Variants in PTK2 observed in about 807,000 individuals in gnomAD.
PTK2 encodes focal adhesion kinase 1.
In PTK2, 45 loss-of-function variants were observed where a neutral mutation model predicts 150.1. That is an observed-to-expected ratio of 0.30 (90% CI 0.24 to 0.38). PTK2 has a LOEUF of 0.38. PTK2 is among the 10% of genes least tolerant of loss of function. The pLI, the probability that PTK2 is intolerant of heterozygous loss-of-function variation, is 1.00. For missense variants in PTK2, 919 were observed against 1,307.3 expected (o/e 0.70, Z 4.58); for synonymous variants, 432 against 449.2 (o/e 0.96, Z 0.48).
rs77654915 is a variant in PTK2, at chr8:140,680,880, T to C, written c.2563-5381A>G. ...GTTTGCAAGATTTTAAGGTAAGTGT[T>C]GACAGTTGCATACACACCTGTGACT... On this transcript the variant is annotated intron_variant, in intron 27 of 31. Transcript: ENST00000522684. Among the ~76,000 whole-genome samples the C allele has an allele frequency of 3.1e-3, 467 of 152,328 alleles. 2 individuals are homozygous for C. Among genetic ancestry groups the C allele is most frequent in the Non-Finnish European group, 5.1e-3 (347 of 68,032 alleles).
chr8:140,920,512 T>C (rs1358660869), intron 2 of PTK2, among the ~76,000 whole-genome samples: 2 of 152,168 alleles, frequency 1.3e-5, no homozygotes, highest in Non-Finnish European at 1.5e-5. Flanking sequence ...AAAACTTCCA[T>C]ATTACAGAAT....
chr8:140,950,547 C>T (rs1438417437), intron 1 of PTK2, among the ~76,000 whole-genome samples: 1 of 152,230 alleles, frequency 6.6e-6, no homozygotes, highest in African/African-American at 2.4e-5. Flanking sequence ...GCGCCTGGCT[C>T]GCCCTTGGCA....
intron 21 of PTK2, among the ~76,000 whole-genome samples, chr8:140,735,760 T>C (rs1308109881): frequency 1.3e-5 from 2 of 152,244 alleles, no homozygotes; most frequent in Admixed American, 1.3e-4. Flanking sequence ...CGTGGCTTAA[T>C]GCAGTAGTTC....
At chr8:140,755,121 A>C (rs1412637470) in intron 16 of PTK2, among the ~76,000 whole-genome samples, 1 of 152,216 alleles carries the variant, frequency 6.6e-6, no homozygotes, top group East Asian at 1.9e-4. Context: ...TGTAGAAAAA[A>C]GCTATTCTAG....
At chr8:140,805,920 T>G (rs1009937064) in intron 10 of PTK2, among the ~76,000 whole-genome samples, 2 of 152,202 alleles carry the variant, frequency 1.3e-5, no homozygotes, top group Non-Finnish European at 2.9e-5. Context: ...ATGAGCAAAC[T>G]GTCTACATGA....
At chr8:140,951,458 A>G (rs1246148402) in intron 1 of PTK2, among the ~76,000 whole-genome samples, 1 of 152,202 alleles carries the variant, frequency 6.6e-6, no homozygotes, top group African/African-American at 2.4e-5. Context: ...TGGACTGACC[A>G]TCTGTCCAGA....
chr8:140,920,863 G>A lies in PTK2; in HGVS notation c.-33+4798C>T, dbSNP rs1489954073. The A allele has an allele frequency of 2.6e-6, 4 of 1,528,928 alleles. No homozygotes were observed. In the South Asian group the frequency reaches 3.6e-5, roughly 14 times the overall value. 94.7% of individuals were successfully genotyped at this position (1,528,928 alleles called of 1,614,324 possible). A position where few individuals can be genotyped will look rare whatever the true frequency, so the allele number is the denominator to read the frequency against. Reference sequence around the variant, plus strand: ...GACTACATCCGCTTTTCTCCATATAGATGGCACCTGCTGGTTTCAGGGCCT... The same window carrying A: ...GACTACATCCGCTTTTCTCCATATAAATGGCACCTGCTGGTTTCAGGGCCT... On this transcript the variant is annotated intron_variant, in intron 2 of 31. Transcript: ENST00000522684.
intron 26 of PTK2, among the ~76,000 whole-genome samples, chr8:140,698,771 C>T (rs2100028401): frequency 6.6e-6 from 1 of 152,148 alleles, no homozygotes; most frequent in South Asian, 2.1e-4. Context: ...TGCATCACCA[C>T]ATCTGGCTAA....
intron 22 of PTK2, 128 bp downstream of exon 25, chr8:140,735,123 G>T: frequency 3.6e-6 from 3 of 823,722 alleles, no homozygotes; most frequent in Non-Finnish European, 5.8e-6. Flanking sequence ...AAAAGTAATT[G>T]CATTTGAACG....
chr8:140,873,696 C>T (rs2100143922), intron 4 of PTK2, among the ~76,000 whole-genome samples: 1 of 152,130 alleles, frequency 6.6e-6, no homozygotes, highest in Admixed American at 6.5e-5. Flanking sequence ...GAACTCTTGA[C>T]CTCAGGTGAT....
At chr8:140,690,348 G>A (rs571793765) in intron 26 of PTK2, among the ~76,000 whole-genome samples, 8 of 151,932 alleles carry the variant, frequency 5.3e-5, no homozygotes, top group Non-Finnish European at 7.4e-5. Context: ...TTACAGCCTC[G>A]AACTCCTGGC....
At chr8:140,945,684 T>C (rs568929026) in intron 1 of PTK2, among the ~76,000 whole-genome samples, 15 of 152,290 alleles carry the variant, frequency 9.8e-5, no homozygotes, top group East Asian at 1.9e-4. Context: ...CAGGGCCTGA[T>C]TGTCACAATT....
chr8:140,845,046 T>C (rs2100124538), intron 7 of PTK2, among the ~76,000 whole-genome samples: 1 of 152,152 alleles, frequency 6.6e-6, no homozygotes, highest in South Asian at 2.1e-4. Context: ...CTAGCCCGTG[T>C]CTCCATGGCC....
chr8:140,910,585 C>T (rs985389509), intron 2 of PTK2, among the ~76,000 whole-genome samples: 7 of 152,130 alleles, frequency 4.6e-5, no homozygotes, highest in African/African-American at 7.2e-5. Flanking sequence ...TCTACAGATA[C>T]CCTAATGCTT....
intron 3 of PTK2, among the ~76,000 whole-genome samples, chr8:140,883,992 G>A (rs2100150784): frequency 6.6e-6 from 1 of 151,996 alleles, no homozygotes; most frequent in South Asian, 2.1e-4. Flanking sequence ...TTGGCTCATG[G>A]TCGTCTTCTT....
At chr8:140,994,341 A>C (rs1398166984) in intron 1 of PTK2, among the ~76,000 whole-genome samples, 1 of 152,234 alleles carries the variant, frequency 6.6e-6, no homozygotes, top group East Asian at 1.9e-4. Flanking sequence ...CATTTACTAA[A>C]AAGTTTTTAA....
intron 10 of PTK2, among the ~76,000 whole-genome samples, chr8:140,815,419 G>A (rs1045587673): frequency 1.3e-5 from 2 of 152,144 alleles, no homozygotes; most frequent in Non-Finnish European, 2.9e-5. Flanking sequence ...ACCAGAGGGT[G>A]GAGGGTAAAA....
chr8:140,855,247 T>C (rs1046185112), intron 5 of PTK2, among the ~76,000 whole-genome samples: 1 of 152,114 alleles, frequency 6.6e-6, no homozygotes, highest in African/African-American at 2.4e-5. Context: ...TTTGATATGC[T>C]GTTTCACTGA....
chr8:140,736,232 C>T (rs1291828479), intron 21 of PTK2, among the ~76,000 whole-genome samples: 1 of 152,216 alleles, frequency 6.6e-6, no homozygotes, highest in African/African-American at 2.4e-5. Flanking sequence ...ACCGTGGAAA[C>T]AACTGAAAGC....
Sources: allele counts gnomAD v4.1 joint callset (sites outside exome capture counted in the v4.1 genomes callset), GRCh38; gene constraint gnomAD v4.1.1; transcripts MANE v1.5; gene names NCBI Gene and HGNC (gene_info 2026-07-23, HGNC 2026-07-21).